Variants in SLC25A48 observed in about 807,000 individuals in gnomAD.
The protein encoded by SLC25A48 is CTC-321K16.1.
Under a neutral mutation model 32.2 loss-of-function variants are expected in SLC25A48, and 29 were observed. The observed-to-expected ratio is 0.90, with a 90% confidence interval of 0.67 to 1.23. The LOEUF (loss-of-function observed/expected upper bound fraction) is 1.23. SLC25A48 is among the 50% of genes most tolerant of loss of function. The pLI, the probability that SLC25A48 is intolerant of heterozygous loss-of-function variation, is 0.00. For missense variants in SLC25A48, 399 were observed against 422.7 expected (o/e 0.94, Z 0.49); for synonymous variants, 164 against 172.3 (o/e 0.95, Z 0.38).
chr5:135,580,189 G>C, intron 1 of SLC25A48, among the ~76,000 whole-genome samples: 1 of 152,228 alleles, frequency 6.6e-6, no homozygotes, highest in Non-Finnish European at 1.5e-5. Flanking sequence ...AGGTCACAGA[G>C]CTAGGAAGCA....
At chr5:135,876,042 T>A (rs1370226303) in intron 6 of SLC25A48, 2 of 152,122 alleles carry the variant, frequency 1.3e-5, no homozygotes, top group African/African-American at 4.8e-5. Flanking sequence ...ATTCCTTTTT[T>A]AAATTTTTAA....
intron 3 of SLC25A48, among the ~76,000 whole-genome samples, chr5:135,775,388 AG>A (rs59659401): frequency 2.1e-3 from 317 of 151,658 alleles, no homozygotes; most frequent in African/African-American, 7.1e-3. Context: ...AGTGGGGGAG[AG>A]GATGACATTA....
intron 3 of SLC25A48, among the ~76,000 whole-genome samples, chr5:135,698,186 G>C (rs941041579): frequency 5.9e-5 from 9 of 152,240 alleles, no homozygotes; most frequent in Non-Finnish European, 7.3e-5. Flanking sequence ...CCTCAGTGCT[G>C]TCTCCTAATG....
At chr5:135,667,205 C>A (rs1164204305) in intron 3 of SLC25A48, among the ~76,000 whole-genome samples, 1 of 152,174 alleles carries the variant, frequency 6.6e-6, no homozygotes, top group Non-Finnish European at 1.5e-5. Context: ...ATCTTCCACT[C>A]TGTATTCTAA....
chr5:135,592,677 GA>G (rs1478436719), intron 1 of SLC25A48, among the ~76,000 whole-genome samples: 1 of 152,134 alleles, frequency 6.6e-6, no homozygotes, highest in Non-Finnish European at 1.5e-5. Context: ...GAGATTGAGA[GA>G]GAGACAGTGA....
intron 1 of SLC25A48, among the ~76,000 whole-genome samples, chr5:135,590,790 G>A (rs560590487): frequency 3.3e-5 from 5 of 152,334 alleles, no homozygotes; most frequent in African/African-American, 9.6e-5. Context: ...ATCCAGACAC[G>A]CCATGGCTCT....
At chr5:135,746,518 T>A (rs1755645502) in intron 3 of SLC25A48, among the ~76,000 whole-genome samples, 1 of 152,208 alleles carries the variant, frequency 6.6e-6, no homozygotes, top group Non-Finnish European at 1.5e-5. Context: ...GCCTTGCAGG[T>A]ACAATCCGAT....
chr5:135,802,972 T>C (rs1438417307), intron 3 of SLC25A48: 2 of 151,480 alleles, frequency 1.3e-5, no homozygotes, highest in Non-Finnish European at 3.0e-5. Flanking sequence ...TTACTTCTAA[T>C]ATCACAGTAG....
intron 4 of SLC25A48, among the ~76,000 whole-genome samples, chr5:135,870,150 G>A (rs529695213): frequency 6.6e-6 from 1 of 152,204 alleles, no homozygotes; most frequent in Non-Finnish European, 1.5e-5. Context: ...CTGTCTGCCT[G>A]TTTACCAGCA....
intron 3 of SLC25A48, among the ~76,000 whole-genome samples, chr5:135,752,848 A>T (rs963218785): frequency 6.6e-6 from 1 of 152,088 alleles, no homozygotes; most frequent in African/African-American, 2.4e-5. Context: ...GGATAATATT[A>T]CATGGTCTAC....
At chr5:135,755,267 A>G (rs914332220) in intron 3 of SLC25A48, among the ~76,000 whole-genome samples, 2 of 152,122 alleles carry the variant, frequency 1.3e-5, no homozygotes, top group African/African-American at 4.8e-5. Context: ...CAGTGTTCAC[A>G]CACAGTGTTT....
intron 3 of SLC25A48, among the ~76,000 whole-genome samples, chr5:135,786,592 T>G (rs1756854227): frequency 6.6e-6 from 1 of 152,154 alleles, no homozygotes; most frequent in Admixed American, 6.6e-5. Flanking sequence ...ACTTCTAATG[T>G]CACAGTGATT....
intron 1 of SLC25A48, among the ~76,000 whole-genome samples, chr5:135,583,426 A>G (rs1751279780): frequency 1.3e-5 from 2 of 151,992 alleles, no homozygotes; most frequent in Non-Finnish European, 2.9e-5. Flanking sequence ...GCTGGGATCC[A>G]GGGCAATTCC....
chr5:135,646,659 TTA>T lies in SLC25A48; in HGVS notation c.-521+11722_-521+11723del, dbSNP rs34299516. 9.7e-3 allele frequency among the ~76,000 whole-genome samples: 1,221 copies of T among 125,306 alleles called. 70 individuals carry two copies. Among genetic ancestry groups the T allele is most frequent in the African/African-American group, 0.032 (1,064 of 33,518 alleles). The allele number at this position is 125,306 out of a possible 152,430, so 82.2% of individuals were successfully genotyped here. ...TACGCATTTATAATATAATTTCCCA[TTA>T]TATATATATATATATATACAATGGG... is the stretch of plus-strand genomic sequence containing the variant. On this transcript the variant is annotated intron_variant, in intron 3 of 10. Coordinates refer to the SLC25A48 transcript ENST00000646290.
chr5:135,694,088 A>C (rs1299829260), intron 3 of SLC25A48, among the ~76,000 whole-genome samples: 1 of 152,236 alleles, frequency 6.6e-6, no homozygotes, highest in South Asian at 2.1e-4. Context: ...CTTCCTAGAC[A>C]GAATGTCTCA....
At position 135,842,473 on chromosome 5, in the gene SLC25A48, G is replaced by A. The variant is rs1229001587; in HGVS notation, c.90+14G>A. ...GACACAGTCAAGGTACAGTAGCCAT[G>A]TTTCCCATTACCTCTTAAAAAGAGG... On this transcript the variant is annotated intron_variant, in intron 2 of 7. Transcript: ENST00000681962. The A allele has an allele frequency of 1.2e-6, 2 of 1,612,722 alleles. No individual in the cohort carries two copies. The highest frequency in any genetic ancestry group is 1.7e-6 in the Non-Finnish European group (2 of 1,178,712).
At chr5:135,731,641 G>A (rs1755225252) in intron 3 of SLC25A48, among the ~76,000 whole-genome samples, 1 of 152,154 alleles carries the variant, frequency 6.6e-6, no homozygotes, top group Non-Finnish European at 1.5e-5. Flanking sequence ...CCTGGATGCT[G>A]TTTTGTATGA....
At chr5:135,857,277 A>G (rs1038065388) in intron 4 of SLC25A48, among the ~76,000 whole-genome samples, 1 of 152,198 alleles carries the variant, frequency 6.6e-6, no homozygotes, top group Non-Finnish European at 1.5e-5. Context: ...TTCTGAAGCT[A>G]GGCTAGAAGC....
chr5:135,860,483 C>T (rs928962132), intron 4 of SLC25A48, among the ~76,000 whole-genome samples: 2 of 152,188 alleles, frequency 1.3e-5, no homozygotes, highest in African/African-American at 4.8e-5. Flanking sequence ...GTGGTCACAA[C>T]CCCACTTTAT....
Sources: gnomAD v4.1 joint callset for allele counts (sites outside exome capture counted in the v4.1 genomes callset) on GRCh38, gnomAD v4.1.1 for gene constraint, MANE v1.5 for transcripts, NCBI Gene and HGNC (gene_info 2026-07-23, HGNC 2026-07-21) for gene names.